MACROD2: variants seen among roughly 807,000 people sequenced by gnomAD.
The protein encoded by MACROD2 is mono-ADP ribosylhydrolase 2.
In MACROD2, 36 loss-of-function variants were observed where a neutral mutation model predicts 70.4. The observed-to-expected ratio is 0.51, with a 90% CI of 0.39 to 0.68. MACROD2 has a LOEUF of 0.68. Ranked by LOEUF, MACROD2 falls within the 30% of genes least tolerant of loss-of-function variation. The pLI, the probability that MACROD2 is intolerant of heterozygous loss-of-function variation, is 0.00. For missense variants in MACROD2, 496 were observed against 538.4 expected, an observed-to-expected ratio of 0.92 and a Z score of 0.78; for synonymous variants, 172 against 178.8, an observed-to-expected ratio of 0.96 and a Z score of 0.30.
chr20:14,049,823 C>T (rs1221381579), intron 2 of MACROD2, among the ~76,000 whole-genome samples: 6 of 151,934 alleles, frequency 3.9e-5, no homozygotes, highest in Non-Finnish European at 1.5e-5. Context: ...GTGGCTCACG[C>T]CTGTAATCCC....
chr20:14,389,421 C>CAAAAAA (rs4052956), intron 3 of MACROD2, among the ~76,000 whole-genome samples: 7 of 90,036 alleles, frequency 7.8e-5, no homozygotes, highest in Non-Finnish European at 8.1e-5. Flanking sequence ...GACTTGGTCT[C>CAAAAAA]AAAAAAAAAA....
At chr20:15,388,696 G>A (rs1341813772) in intron 6 of MACROD2, among the ~76,000 whole-genome samples, 1 of 152,156 alleles carries the variant, frequency 6.6e-6, no homozygotes, top group African/African-American at 2.4e-5. Flanking sequence ...AGTCTAAGAT[G>A]TATATAAGAA....
At chr20:15,908,169 T>C (rs2065177102) in intron 10 of MACROD2, among the ~76,000 whole-genome samples, 1 of 152,198 alleles carries the variant, frequency 6.6e-6, no homozygotes, top group South Asian at 2.1e-4. Flanking sequence ...AAATGTTTGC[T>C]TCCCATTGAG....
intron 6 of MACROD2, among the ~76,000 whole-genome samples, chr20:15,310,156 G>C (rs1299188926): frequency 6.6e-6 from 1 of 152,160 alleles, no homozygotes; most frequent in African/African-American, 2.4e-5. Flanking sequence ...GATTCAATGG[G>C]AATATTTATA....
At chr20:14,894,727 T>A (rs1037885631) in intron 5 of MACROD2, 3 of 152,174 alleles carry the variant, frequency 2.0e-5, no homozygotes, top group Non-Finnish European at 4.4e-5. Context: ...CATAACAAAA[T>A]GAGAATTTCT....
At chr20:14,883,580 T>C (rs565221127) in intron 5 of MACROD2, among the ~76,000 whole-genome samples, 2 of 142,508 alleles carry the variant, frequency 1.4e-5, no homozygotes, top group African/African-American at 5.3e-5. Context: ...AAATGAACTG[T>C]CTATATCTGA....
intron 8 of MACROD2, among the ~76,000 whole-genome samples, chr20:15,803,064 C>A (rs901386615): frequency 6.6e-6 from 1 of 152,030 alleles, no homozygotes; most frequent in Non-Finnish European, 1.5e-5. Flanking sequence ...TGGCTTATTG[C>A]TGAATTCTAC....
At position 15,060,866 on chromosome 20, in the gene MACROD2, T is replaced by G. The variant is rs191290046; in HGVS notation, c.419-169074T>G. ...TATACCCATGAGTAATAGGAACTTC[T>G]TGAGAATAACAATCCCATCTGAGAG... On this transcript the variant is annotated intron_variant, in intron 5 of 17. Transcript: ENST00000684519. 1.6e-3 allele frequency among the ~76,000 whole-genome samples: 246 copies of G among 152,320 alleles called. 1 individual carries two copies. The highest frequency in any genetic ancestry group is 3.2e-3 in the Non-Finnish European group (221 of 68,034).
chr20:14,997,281 A>T (rs2074958079), intron 5 of MACROD2, among the ~76,000 whole-genome samples: 1 of 152,088 alleles, frequency 6.6e-6, no homozygotes, highest in Non-Finnish European at 1.5e-5. Flanking sequence ...TAGCTCCCAG[A>T]TGACACTTCT....
intron 8 of MACROD2, among the ~76,000 whole-genome samples, chr20:15,771,125 A>G (rs2051617465): frequency 6.6e-6 from 1 of 152,114 alleles, no homozygotes; most frequent in Admixed American, 6.5e-5. Flanking sequence ...CACACCATCA[A>G]AATCAGGCAG....
intron 7 of MACROD2, among the ~76,000 whole-genome samples, chr20:15,454,212 G>A (rs2046684714): frequency 1.3e-5 from 2 of 152,088 alleles, no homozygotes; most frequent in African/African-American, 4.8e-5. Flanking sequence ...TTGTTCAGCT[G>A]TATCTTTAAT....
chr20:15,882,073 C>T (rs2064762306), intron 9 of MACROD2, among the ~76,000 whole-genome samples: 1 of 152,080 alleles, frequency 6.6e-6, no homozygotes, highest in African/African-American at 2.4e-5. Context: ...AAGAAACTGA[C>T]ATATAGGTTA....
intron 6 of MACROD2, among the ~76,000 whole-genome samples, chr20:15,390,958 A>C (rs2045784809): frequency 6.6e-6 from 1 of 152,192 alleles, no homozygotes; most frequent in Non-Finnish European, 1.5e-5. Flanking sequence ...CATTTGGAAG[A>C]TGGAGATGAC....
At chr20:15,684,608 C>T (rs560919730) in intron 8 of MACROD2, among the ~76,000 whole-genome samples, 1 of 152,272 alleles carries the variant, frequency 6.6e-6, no homozygotes, top group South Asian at 2.1e-4. Context: ...TAAGGTTTAA[C>T]AGTTCAATTA....
chr20:15,322,038 G>A (rs1193657966), intron 6 of MACROD2, among the ~76,000 whole-genome samples: 5 of 143,508 alleles, frequency 3.5e-5, no homozygotes, highest in African/African-American at 1.0e-4. Context: ...TGATCTGCCC[G>A]CCTCGGCCTC....
intron 3 of MACROD2, among the ~76,000 whole-genome samples, chr20:14,341,760 A>G (rs1183212999): frequency 6.6e-6 from 1 of 152,224 alleles, no homozygotes; most frequent in Non-Finnish European, 1.5e-5. Flanking sequence ...TGCAAAATCA[A>G]CAATGGGAAT....
At chr20:14,906,522 G>A (rs1222540210) in intron 5 of MACROD2, among the ~76,000 whole-genome samples, 1 of 152,000 alleles carries the variant, frequency 6.6e-6, no homozygotes, top group Non-Finnish European at 1.5e-5. Context: ...AAAAAAATCA[G>A]CACTAGCAAT....
chr20:15,580,943 A>G (rs939904267), intron 8 of MACROD2, among the ~76,000 whole-genome samples: 13 of 152,364 alleles, frequency 8.5e-5, no homozygotes, highest in African/African-American at 2.9e-4. Flanking sequence ...TTGGGCCTGC[A>G]GAACAGACAA....
At chr20:15,184,611 T>C (rs1328447951) in intron 5 of MACROD2, among the ~76,000 whole-genome samples, 1 of 152,168 alleles carries the variant, frequency 6.6e-6, no homozygotes, top group Non-Finnish European at 1.5e-5. Context: ...AAATAAAGGA[T>C]AACGTGGAAT....
Sources: allele counts gnomAD v4.1 joint callset (sites outside exome capture counted in the v4.1 genomes callset), GRCh38; gene constraint gnomAD v4.1.1; transcripts MANE v1.5; gene names NCBI Gene and HGNC (gene_info 2026-07-23, HGNC 2026-07-21).